Variants in ANKRD27 observed in about 807,000 individuals in gnomAD.
The protein encoded by ANKRD27 is ankyrin repeat domain 27.
A neutral mutation model predicts 129.7 loss-of-function variants in ANKRD27; 112 were observed. The ratio of observed to expected loss-of-function variants is 0.86; its 90% CI spans 0.74 to 1.01. ANKRD27 has a LOEUF of 1.01. Among genes scored for constraint, ANKRD27 ranks in the 50% least tolerant of loss-of-function variants. The pLI is 0.00. For missense variants in ANKRD27, 1,258 were observed against 1,300.5 expected, an observed-to-expected ratio of 0.97 and a Z score of 0.50; for synonymous variants, 516 against 511.2, an observed-to-expected ratio of 1.01 and a Z score of -0.13.
intron 16 of ANKRD27, 82 bp downstream of exon 16, chr19:32,626,630 C>T: frequency 3.8e-6 from 4 of 1,058,832 alleles, no homozygotes; most frequent in South Asian, 3.1e-5. Flanking sequence ...TGCAGGGTAG[C>T]CAGCATGACC....
chr19:32,653,868 G>A (rs560137965), intron 2 of ANKRD27, among the ~76,000 whole-genome samples: 4 of 152,266 alleles, frequency 2.6e-5, no homozygotes, highest in Admixed American at 6.5e-5. Context: ...AGCGTGGTGC[G>A]GTTCACTCTG....
intron 2 of ANKRD27, among the ~76,000 whole-genome samples, chr19:32,658,586 C>A (rs1175777701): frequency 6.6e-6 from 1 of 152,204 alleles, no homozygotes; most frequent in Non-Finnish European, 1.5e-5. Context: ...CATTTTAGCC[C>A]TGGAGAAGCC....
At chr19:32,674,741 A>G (rs1298159167) in intron 1 of ANKRD27, among the ~76,000 whole-genome samples, 1 of 150,954 alleles carries the variant, frequency 6.6e-6, no homozygotes, top group African/African-American at 2.4e-5. Flanking sequence ...GCGCCCCGCC[A>G]GATCCGAACC....
chr19:32,650,745 C>CT (rs1164998970), intron 2 of ANKRD27, among the ~76,000 whole-genome samples: 11 of 99,108 alleles, frequency 1.1e-4, no homozygotes, highest in East Asian at 9.6e-4. Flanking sequence ...TTTCTTTACG[C>CT]TTTTATTTAT....
At chr19:32,618,337 G>A (rs927738111) in intron 20 of ANKRD27, among the ~76,000 whole-genome samples, 53 of 150,784 alleles carry the variant, frequency 3.5e-4, no homozygotes, top group Admixed American at 6.0e-4. Context: ...GCAGTGGCTC[G>A]GCCTGTAATC....
intron 25 of ANKRD27, among the ~76,000 whole-genome samples, chr19:32,603,553 A>T (rs1971684084): frequency 1.3e-5 from 2 of 152,034 alleles, no homozygotes; most frequent in Admixed American, 1.3e-4. Context: ...TTTTACTTTC[A>T]TTTTTTTGAG....
intron 1 of ANKRD27, chr19:32,673,385 C>T (rs1967909943): frequency 5.1e-6 from 5 of 985,232 alleles, no homozygotes; most frequent in East Asian, 1.1e-4. Flanking sequence ...ATTTCACTCA[C>T]GCCTGTCCAC....
chr19:32,626,709 C>T lies in ANKRD27; in HGVS notation c.1536+3G>A. 1 of 1,598,742 alleles carries T rather than the reference C, an allele frequency of 6.3e-7. No homozygotes were observed. The highest frequency in any genetic ancestry group is 8.5e-7 in the Non-Finnish European group (1 of 1,172,342). On this transcript the variant is annotated splice_donor_region_variant and intron_variant, in intron 16 of 28. Transcript: ENST00000306065. ...AGCCCGCCACAAAGGCACCACTGCT[C>T]ACCGTCACGCTCTGGTAGCCCTTCT...
At chr19:32,610,817 A>G (rs954892697) in intron 22 of ANKRD27, among the ~76,000 whole-genome samples, 2 of 151,934 alleles carry the variant, frequency 1.3e-5, no homozygotes, top group Non-Finnish European at 2.9e-5. Flanking sequence ...GAAGTAATAC[A>G]TTAAACACCA....
rs781002346 is a variant in ANKRD27 at position 32,604,257 on chromosome 19, A to G, written c.2655+6T>C. ...TTCCCTCGGCTCTTCGACCCTCTCC[A>G]CCTACCTGTTCAGCACAGTCTACAG... On this transcript the variant is annotated splice_donor_region_variant and intron_variant, in intron 25 of 28. Transcript: ENST00000306065. 16 of 1,595,646 alleles carry G rather than the reference A, an allele frequency of 1.0e-5. No individual in the cohort carries two copies. The highest frequency in any genetic ancestry group is 1.3e-5 in the Non-Finnish European group (15 of 1,166,366).
chr19:32,625,879 C>G lies in ANKRD27; in HGVS notation c.1624G>C (p.Glu542Gln). The G allele has an allele frequency of 6.3e-7, 1 of 1,596,492 alleles. No homozygotes were observed. Among genetic ancestry groups the G allele is most frequent in the Non-Finnish European group, 8.5e-7 (1 of 1,173,228 alleles). Residue 542 changes from glutamate to glutamine, a missense_variant, in exon 17 of 29, where the codon GAG becomes CAG. By Grantham distance (29) the Glu-to-Gln change is conservative. Coordinates refer to ENST00000306065, the MANE Select transcript of ANKRD27 (RefSeq NM_032139.3). ...GAACAGCAAGAGCCACTCACGTCCT[C>G]GTGGCCGTAGGTGCAGGCCAGGTGG... ...PLHLACTYGH[E>Q]DCVKALVYYD...
At chr19:32,621,679 T>A (rs1422514186) in intron 18 of ANKRD27, among the ~76,000 whole-genome samples, 1 of 152,190 alleles carries the variant, frequency 6.6e-6, no homozygotes, top group Non-Finnish European at 1.5e-5. Flanking sequence ...AAGTCAGGCC[T>A]GTACAAACGG....
chr19:32,617,543 T>C, intron 21 of ANKRD27, 46 bp downstream of exon 21: 1 of 730,130 alleles, frequency 1.4e-6, no homozygotes, highest in Non-Finnish European at 2.5e-6. Context: ...CAAGACCCTG[T>C]CTCTAAAAAA....
intron 2 of ANKRD27, among the ~76,000 whole-genome samples, chr19:32,651,564 G>A (rs1967417339): frequency 6.6e-6 from 1 of 152,082 alleles, no homozygotes; most frequent in Non-Finnish European, 1.5e-5. Flanking sequence ...TAGAGACGGG[G>A]TTTCACCGTG....
intron 17 of ANKRD27, 85 bp downstream of exon 17, chr19:32,625,789 C>T (rs1485842754): frequency 2.5e-6 from 3 of 1,177,956 alleles, no homozygotes; most frequent in Non-Finnish European, 3.5e-6. Context: ...ATTATCGACA[C>T]AAAATACATT....
At chr19:32,633,376 A>G (rs1967034671) in intron 12 of ANKRD27, among the ~76,000 whole-genome samples, 1 of 135,770 alleles carries the variant, frequency 7.4e-6, no homozygotes, top group Non-Finnish European at 1.5e-5. Context: ...TCTGTCTCCC[A>G]AGCTGGACTG....
intron 25 of ANKRD27, 42 bp from the exon 26 acceptor site, chr19:32,602,168 T>A (rs1599731026): frequency 1.6e-6 from 2 of 1,229,966 alleles, no homozygotes; most frequent in East Asian, 4.6e-5. Context: ...GTTTTTATTC[T>A]TTTTTAATAG....
At chr19:32,639,542 C>T in intron 11 of ANKRD27, 54 bp from the exon 12 acceptor site, 1 of 1,563,676 alleles carries the variant, frequency 6.4e-7, no homozygotes, top group East Asian at 2.3e-5. Flanking sequence ...CACACTTCTG[C>T]AAAAAAAATA....
intron 1 of ANKRD27, among the ~76,000 whole-genome samples, chr19:32,674,309 T>A (rs1323020208): frequency 6.6e-6 from 1 of 152,044 alleles, no homozygotes. Flanking sequence ...AGCCTCACAG[T>A]CCCTCCAGCA....
Sources: allele counts gnomAD v4.1 joint callset (sites outside exome capture counted in the v4.1 genomes callset), GRCh38; gene constraint gnomAD v4.1.1; transcripts MANE v1.5; gene names NCBI Gene and HGNC (gene_info 2026-07-23, HGNC 2026-07-21).